Variants in WDR47 observed in about 807,000 individuals in gnomAD.
The protein encoded by WDR47 is WD repeat domain 47.
WDR47 carries 32 observed loss-of-function variants against 97.2 expected under a neutral mutation model. The ratio of observed to expected loss-of-function variants is 0.33; its 90% CI spans 0.25 to 0.44. WDR47 has a LOEUF of 0.44. Among genes scored for constraint, WDR47 ranks in the 20% least tolerant of loss-of-function variants. The pLI is 1.00. For missense variants in WDR47, 782 were observed against 1,102.3 expected, an observed-to-expected ratio of 0.71 and a Z score of 4.11; for synonymous variants, 375 against 373.5, an observed-to-expected ratio of 1.00 and a Z score of -0.05.
At chr1:108,987,116 A>C (rs1658888981) in intron 9 of WDR47, 1 of 194,584 alleles carries the variant, frequency 5.1e-6, no homozygotes, top group South Asian at 1.2e-4. Context: ...TTACAGCCCC[A>C]TAGATCCCTT....
At chr1:108,996,629 C>G (rs17566088) in intron 7 of WDR47, among the ~76,000 whole-genome samples, 44,754 of 152,056 alleles carry the variant, frequency 0.29, 8,057 homozygotes, top group East Asian at 0.59. Context: ...TGTACTTATT[C>G]ACTCATTAAT....
intron 1 of WDR47, among the ~76,000 whole-genome samples, chr1:109,038,306 C>T (rs1571272074): frequency 6.6e-6 from 1 of 152,180 alleles, no homozygotes; most frequent in Non-Finnish European, 1.5e-5. Flanking sequence ...TGAATTGCTG[C>T]GGGAGAGCTA....
intron 2 of WDR47, among the ~76,000 whole-genome samples, chr1:109,018,635 C>A (rs1353909680): frequency 6.6e-6 from 1 of 151,810 alleles, no homozygotes; most frequent in Admixed American, 6.6e-5. Flanking sequence ...GGAAACATGG[C>A]GAAACCCTGG....
chr1:108,982,305 G>A (rs984236630), intron 12 of WDR47, among the ~76,000 whole-genome samples: 9 of 152,274 alleles, frequency 5.9e-5, no homozygotes, highest in African/African-American at 2.2e-4. Context: ...GGCTGAGACA[G>A]GATGATTGCT....
intron 10 of WDR47, among the ~76,000 whole-genome samples, chr1:108,985,328 T>A (rs1658700548): frequency 6.6e-6 from 1 of 152,102 alleles, no homozygotes; most frequent in African/African-American, 2.4e-5. Context: ...CACCTCACGT[T>A]CCCTCTATAT....
chr1:108,977,206 C>T (rs1285769069), intron 13 of WDR47, among the ~76,000 whole-genome samples: 1 of 152,076 alleles, frequency 6.6e-6, no homozygotes, highest in Non-Finnish European at 1.5e-5. Context: ...GGCTGGAGTG[C>T]AGTGGCATGA....
chr1:108,991,903 T>C (rs760994261), intron 8 of WDR47, among the ~76,000 whole-genome samples: 82 of 152,104 alleles, frequency 5.4e-4, no homozygotes, highest in Non-Finnish European at 8.5e-4. Context: ...GCTCAAGCAA[T>C]CCTCCCACCT....
At chr1:109,040,755 G>C (rs1036601983) in intron 1 of WDR47, among the ~76,000 whole-genome samples, 5 of 152,120 alleles carry the variant, frequency 3.3e-5, no homozygotes, top group African/African-American at 1.2e-4. Context: ...TGGGCTCTTA[G>C]GCGTTTCTCC....
At chr1:109,000,554 T>TA (rs1660108151) in intron 7 of WDR47, among the ~76,000 whole-genome samples, 1 of 146,072 alleles carries the variant, frequency 6.8e-6, no homozygotes, top group Admixed American at 6.9e-5. Context: ...CTCACACCTG[T>TA]AATCCCAGCA....
At chr1:109,026,201 C>T (rs1662204476) in intron 1 of WDR47, among the ~76,000 whole-genome samples, 2 of 151,978 alleles carry the variant, frequency 1.3e-5, no homozygotes, top group South Asian at 2.1e-4. Context: ...TGTGTGCCAC[C>T]GTACCCAGCT....
intron 10 of WDR47, among the ~76,000 whole-genome samples, chr1:108,984,703 C>T (rs543596700): frequency 1.3e-4 from 20 of 152,052 alleles, no homozygotes; most frequent in Non-Finnish European, 2.6e-4. Context: ...CATGGTGAAA[C>T]CCCGTCGCTA....
chr1:109,038,308 G>A (rs896651623), intron 1 of WDR47, among the ~76,000 whole-genome samples: 23 of 152,150 alleles, frequency 1.5e-4, no homozygotes, highest in Admixed American at 1.4e-3. Context: ...AATTGCTGCG[G>A]GAGAGCTACT....
At chr1:109,013,684 G>C (rs1478127020) in intron 4 of WDR47, 157 bp downstream of exon 4, 1 of 693,702 alleles carries the variant, frequency 1.4e-6, no homozygotes, top group Non-Finnish European at 2.4e-6. Context: ...AAGCGCTACA[G>C]AATGAAAATA....
intron 13 of WDR47, among the ~76,000 whole-genome samples, chr1:108,979,858 G>A (rs1658203970): frequency 6.6e-6 from 1 of 151,998 alleles, no homozygotes; most frequent in Non-Finnish European, 1.5e-5. Flanking sequence ...TAAACCAGGG[G>A]TCCCCAAGCC....
At chr1:109,015,362 C>T (rs555351501) in intron 3 of WDR47, among the ~76,000 whole-genome samples, 1 of 152,226 alleles carries the variant, frequency 6.6e-6, no homozygotes, top group Admixed American at 6.5e-5. Context: ...CCTGCTCTGT[C>T]GCCCAGGCTG....
chr1:109,027,502 C>A (rs1375764530), intron 1 of WDR47, among the ~76,000 whole-genome samples: 3 of 152,120 alleles, frequency 2.0e-5, no homozygotes, highest in Non-Finnish European at 4.4e-5. Context: ...CAAAATCTTA[C>A]CTCTGTAAGT....
Position 108,983,371 on chromosome 1 carries a change from C to T in WDR47, c.2006G>A (p.Trp669Ter). The part of the protein sequence containing the change: ...HHKGSIYCVA[W>*]SPCGQLLATG... ...TGCTAATAACTGCCCACAAGGACTC[C>T]AGGCCACACAGTAAATGGATCCTTT... The change falls in exon 11 of 15, where the codon TGG (tryptophan) becomes TAG (stop). Residue 669 changes from tryptophan (W) to a stop codon, truncating the protein, a stop_gained. Transcript: ENST00000369962. LOFTEE classifies it high-confidence loss of function. 3.7e-6 allele frequency: 6 copies of T among 1,613,204 alleles called. No individual in the cohort carries two copies. The highest frequency in any genetic ancestry group is 5.1e-6 in the Non-Finnish European group (6 of 1,179,574).
intron 13 of WDR47, among the ~76,000 whole-genome samples, chr1:108,981,527 C>T (rs147958674): frequency 7.2e-5 from 11 of 152,186 alleles, no homozygotes; most frequent in Admixed American, 7.2e-4. Context: ...ATTTAATCTC[C>T]CTGGGCCTTG....
chr1:108,999,228 C>CAAA (rs35631324), intron 7 of WDR47, among the ~76,000 whole-genome samples: 3 of 120,960 alleles, frequency 2.5e-5, no homozygotes, highest in Admixed American at 8.2e-5. Context: ...ACTCTGTCCC[C>CAAA]AAAAAAAAAA....
Sources: gnomAD v4.1 joint callset for allele counts (sites outside exome capture counted in the v4.1 genomes callset) on GRCh38, gnomAD v4.1.1 for gene constraint, MANE v1.5 for transcripts, NCBI Gene and HGNC (gene_info 2026-07-23, HGNC 2026-07-21) for gene names.